Variants in PIK3R1 observed in about 807,000 individuals in gnomAD.
The protein encoded by PIK3R1 is phosphoinositide-3-kinase regulatory subunit 1, also known as phosphatidylinositol 3-kinase regulatory subunit alpha.
A neutral mutation model predicts 98.0 loss-of-function variants in PIK3R1; 29 were observed. The ratio of observed to expected loss-of-function variants is 0.30; its 90% CI spans 0.22 to 0.40. PIK3R1 has a LOEUF of 0.40. PIK3R1 is among the 10% of genes least tolerant of loss of function. The pLI is 1.00. For missense variants in PIK3R1, 596 were observed against 872.7 expected (o/e 0.68, Z 3.99); for synonymous variants, 282 against 311.8 (o/e 0.90, Z 1.01).
chr5:68,270,000 A>T (rs1746279494), intron 2 of PIK3R1, among the ~76,000 whole-genome samples: 1 of 152,204 alleles, frequency 6.6e-6, no homozygotes, highest in Non-Finnish European at 1.5e-5. Context: ...TTACAAATTC[A>T]GTGGGGAGTC....
Position 68,295,307 on chromosome 5 carries a change from G to T in PIK3R1, c.1728G>T (p.Thr576=), listed in dbSNP as rs149090706. Residue 576 remains threonine (T), a synonymous_variant, in exon 13 of 16, where the codon ACG becomes ACT. Transcript: ENST00000521381. ...IKPDLIQLRK[T]RDQYLMWLTQ... Reference sequence around the variant, plus strand: ...CAGACCTTATCCAGCTGAGAAAGACGAGAGACCAATACTTGATGTAAGTAT... The same window carrying T: ...CAGACCTTATCCAGCTGAGAAAGACTAGAGACCAATACTTGATGTAAGTAT... 51 of 1,613,936 alleles carry T rather than the reference G, an allele frequency of 3.2e-5. No homozygotes were observed. The highest frequency in any genetic ancestry group is 3.8e-5 in the Non-Finnish European group (45 of 1,179,942).
intron 2 of PIK3R1, among the ~76,000 whole-genome samples, chr5:68,250,112 G>C (rs1296775140): frequency 6.6e-6 from 1 of 152,188 alleles, no homozygotes; most frequent in African/African-American, 2.4e-5. Flanking sequence ...GGAACAGCTG[G>C]GAGACCCCCA....
Position 68,299,195 on chromosome 5 carries a change from AT to A in PIK3R1, c.*1595del, listed in dbSNP as rs2112304659. On this transcript the variant is annotated 3_prime_UTR_variant, in exon 16 of 16. Coordinates refer to ENST00000521381, the MANE Select transcript of PIK3R1 (RefSeq NM_181523.3). ...ATAATCATCTCTGTCACATTAGACT[AT>A]CCATCATGACCAGCAAATACTCATT... The A allele has an allele frequency of 4.3e-6, 1 of 233,586 alleles. No homozygotes were observed. Among genetic ancestry groups the A allele is most frequent in the Non-Finnish European group, 8.5e-6 (1 of 117,978 alleles). The allele number at this position is 233,586 out of a possible 1,614,324, so 14.5% of individuals were successfully genotyped here.
At chr5:68,264,040 T>C (rs1746017243) in intron 2 of PIK3R1, among the ~76,000 whole-genome samples, 1 of 152,232 alleles carries the variant, frequency 6.6e-6, no homozygotes, top group Admixed American at 6.5e-5. Context: ...CTTTTGTACC[T>C]TGCTAAAAGT....
chr5:68,225,060 A>G (rs1394931262), intron 1 of PIK3R1, among the ~76,000 whole-genome samples: 1 of 152,182 alleles, frequency 6.6e-6, no homozygotes, highest in Non-Finnish European at 1.5e-5. Context: ...CGAAGCCCCA[A>G]ATTATTTAGC....
chr5:68,246,025 C>T (rs1745071667), intron 2 of PIK3R1, among the ~76,000 whole-genome samples: 1 of 152,168 alleles, frequency 6.6e-6, no homozygotes, highest in Admixed American at 6.5e-5. Flanking sequence ...GTACATGTTT[C>T]CCCAAAGAGA....
At chr5:68,235,310 G>A (rs1453697333) in intron 2 of PIK3R1, among the ~76,000 whole-genome samples, 3 of 152,028 alleles carry the variant, frequency 2.0e-5, no homozygotes, top group Non-Finnish European at 4.4e-5. Context: ...GGCTGAGGCA[G>A]GAGAATCGCT....
Position 68,295,111 on chromosome 5 carries a change from AC to A in PIK3R1, c.1569-34del, listed in dbSNP as rs1303590373. On this transcript the variant is annotated intron_variant, in intron 12 of 15. Coordinates refer to ENST00000521381, the MANE Select transcript of PIK3R1 (RefSeq NM_181523.3). ...AAACTTTGGGGACCGTTCCTGATGT[AC>A]CCAGATAATAACAAATACGTTTCTT... is the stretch of plus-strand genomic sequence containing the variant. The A allele has an allele frequency of 3.8e-6, 6 of 1,578,900 alleles. No homozygotes were observed. In the South Asian group the frequency reaches 5.6e-5, roughly 15 times the overall value.
At chr5:68,295,660 A>G in intron 14 of PIK3R1, 172 bp downstream of exon 14, 1 of 629,266 alleles carries the variant, frequency 1.6e-6, no homozygotes, top group South Asian at 2.0e-5. Flanking sequence ...AAGAAAGCTT[A>G]GCTAAGGAGG....
At chr5:68,294,507 G>A in intron 11 of PIK3R1, 29 bp from the exon 12 acceptor site, 1 of 1,560,722 alleles carries the variant, frequency 6.4e-7, no homozygotes, top group South Asian at 1.2e-5. Flanking sequence ...TGAAAGGTAT[G>A]ACATTATCTT....
intron 1 of PIK3R1, among the ~76,000 whole-genome samples, chr5:68,222,432 A>G (rs561249886): frequency 3.0e-4 from 42 of 138,114 alleles, no homozygotes; most frequent in Non-Finnish European, 6.1e-5. Flanking sequence ...GGGGCCTGGG[A>G]TAGTGGCAGG....
In PIK3R1 at chr5:68,270,009, T is replaced by C. The variant is rs1313488025; in HGVS notation, c.335-3381T>C. Reference sequence around the variant, plus strand: ...TCAATATTACAAATTCAGTGGGGAGTCACTCAATACATTACAAAAAGAGTA... The same window carrying C: ...TCAATATTACAAATTCAGTGGGGAGCCACTCAATACATTACAAAAAGAGTA... On this transcript the variant is annotated intron_variant, in intron 2 of 15. Coordinates refer to ENST00000521381, the MANE Select transcript of PIK3R1 (RefSeq NM_181523.3). 3.9e-5 allele frequency among the ~76,000 whole-genome samples: 6 copies of C among 152,080 alleles called. No individual in the cohort carries two copies. In the East Asian group the frequency reaches 7.7e-4, roughly 20 times the overall value.
chr5:68,224,959 G>A (rs755246121), intron 1 of PIK3R1, among the ~76,000 whole-genome samples: 8 of 152,202 alleles, frequency 5.3e-5, no homozygotes, highest in Non-Finnish European at 1.0e-4. Context: ...AGCAACCATT[G>A]CTACTTCCTC....
intron 2 of PIK3R1, among the ~76,000 whole-genome samples, chr5:68,258,267 A>C (rs1745607100): frequency 6.6e-6 from 1 of 152,214 alleles, no homozygotes; most frequent in African/African-American, 2.4e-5. Context: ...TAACCAACAC[A>C]GTTGAAAAAT....
At chr5:68,225,393 G>A (rs1744235133) in intron 1 of PIK3R1, among the ~76,000 whole-genome samples, 1 of 152,088 alleles carries the variant, frequency 6.6e-6, no homozygotes, top group Non-Finnish European at 1.5e-5. Flanking sequence ...TTGCACAGGG[G>A]TGCCCAGAAT....
chr5:68,281,033 C>T, intron 7 of PIK3R1, 27 bp downstream of exon 7: 2 of 1,476,040 alleles, frequency 1.4e-6, no homozygotes, highest in Non-Finnish European at 1.9e-6. Flanking sequence ...ATTTAACATT[C>T]TCTCATTGTT....
chr5:68,266,225 T>TA (rs1220931636), intron 2 of PIK3R1, among the ~76,000 whole-genome samples: 1 of 152,228 alleles, frequency 6.6e-6, no homozygotes, highest in Non-Finnish European at 1.5e-5. Context: ...CTTCTCAAGT[T>TA]ACATTTTACA....
At chr5:68,219,937 GATAA>G (rs1169006134) in intron 1 of PIK3R1, among the ~76,000 whole-genome samples, 1 of 152,144 alleles carries the variant, frequency 6.6e-6, no homozygotes, top group Non-Finnish European at 1.5e-5. Context: ...GTAAAATAGA[GATAA>G]TTGTTGTACT....
chr5:68,255,695 C>T (rs892860010), intron 2 of PIK3R1, among the ~76,000 whole-genome samples: 22 of 152,164 alleles, frequency 1.4e-4, no homozygotes, highest in African/African-American at 4.1e-4. Flanking sequence ...GTGAAACATA[C>T]GGCTATCAAT....
Sources: gnomAD v4.1 joint callset for allele counts (sites outside exome capture counted in the v4.1 genomes callset) on GRCh38, gnomAD v4.1.1 for gene constraint, MANE v1.5 for transcripts, NCBI Gene and HGNC (gene_info 2026-07-23, HGNC 2026-07-21) for gene names.